The following RBM6 variants were observed in gnomAD, a reference collection of about 807,000 sequenced individuals.
The protein encoded by RBM6 is RNA binding motif protein 6.
Under a neutral mutation model 140.4 loss-of-function variants are expected in RBM6, and 23 were observed. The observed-to-expected ratio is 0.16, with a 90% CI of 0.12 to 0.23. The LOEUF is 0.23. Among genes scored for constraint, RBM6 ranks in the 10% least tolerant of loss-of-function variants. RBM6 has a pLI of 1.00. For synonymous variants in RBM6, 439 were observed against 475.6 expected (o/e 0.92, Z 1.00); for missense variants, 1,139 against 1,386.7 (o/e 0.82, Z 2.84).
intron 13 of RBM6, 44 bp downstream of exon 13, chr3:50,061,265 C>T (rs1484322790): frequency 6.2e-7 from 1 of 1,612,448 alleles, no homozygotes; most frequent in South Asian, 1.1e-5. Flanking sequence ...TTTTGCTTGA[C>T]TTGCTACTCA....
intron 4 of RBM6, among the ~76,000 whole-genome samples, chr3:49,972,538 G>T (rs1213785402): frequency 6.6e-6 from 1 of 152,144 alleles, no homozygotes; most frequent in Non-Finnish European, 1.5e-5. Context: ...TAACTGCCCT[G>T]TATCAAAGGA....
At chr3:50,055,041 C>A (rs2089645772) in intron 8 of RBM6, among the ~76,000 whole-genome samples, 1 of 152,184 alleles carries the variant, frequency 6.6e-6, no homozygotes, top group Non-Finnish European at 1.5e-5. Context: ...CCAGGATGGT[C>A]TCGATCTCCT....
intron 3 of RBM6, among the ~76,000 whole-genome samples, chr3:49,970,242 G>A (rs985558632): frequency 1.3e-5 from 2 of 151,966 alleles, no homozygotes; most frequent in Non-Finnish European, 2.9e-5. Context: ...TGCCTGGCCA[G>A]CAATTTTTGT....
intron 6 of RBM6, among the ~76,000 whole-genome samples, chr3:50,034,936 C>A (rs1028158045): frequency 1.3e-5 from 2 of 151,980 alleles, no homozygotes; most frequent in Non-Finnish European, 2.9e-5. Context: ...TGGCTTCTAA[C>A]ATAGGCTAGG....
At chr3:50,055,387 G>A (rs1217829897) in intron 8 of RBM6, among the ~76,000 whole-genome samples, 2 of 152,064 alleles carry the variant, frequency 1.3e-5, no homozygotes, top group East Asian at 1.9e-4. Context: ...CTGAGATCTC[G>A]CCACTGCACT....
chr3:49,963,476 G>T (rs2084375057), intron 2 of RBM6, among the ~76,000 whole-genome samples: 1 of 152,012 alleles, frequency 6.6e-6, no homozygotes, highest in African/African-American at 2.4e-5. Flanking sequence ...TACATATTTG[G>T]CTAGTAAGGA....
intron 15 of RBM6, among the ~76,000 whole-genome samples, chr3:50,062,426 C>T (rs1049799684): frequency 6.6e-6 from 1 of 151,952 alleles, no homozygotes; most frequent in African/African-American, 2.4e-5. Context: ...ATTGCTTGAA[C>T]CCTGGAGGCA....
intron 6 of RBM6, among the ~76,000 whole-genome samples, chr3:50,021,360 C>A (rs1278840439): frequency 6.6e-6 from 1 of 152,132 alleles, no homozygotes; most frequent in Non-Finnish European, 1.5e-5. Flanking sequence ...ACATTTAAGG[C>A]TGGGTGCAGT....
chr3:49,971,399 T>C (rs1419808283), intron 3 of RBM6, among the ~76,000 whole-genome samples: 5 of 150,888 alleles, frequency 3.3e-5, no homozygotes, highest in African/African-American at 1.2e-4. Flanking sequence ...GGGCTGAGAT[T>C]GTGCCACTGC....
chr3:49,966,075 G>A (rs2084504734), intron 2 of RBM6, among the ~76,000 whole-genome samples: 2 of 151,206 alleles, frequency 1.3e-5, no homozygotes, highest in South Asian at 2.1e-4. Flanking sequence ...GCAGTGAACC[G>A]AGATCATGCC....
chr3:50,034,978 TCCTCTCCTCTCCTCTTC>T (rs1370422990), intron 6 of RBM6, among the ~76,000 whole-genome samples: 1 of 146,832 alleles, frequency 6.8e-6, no homozygotes, highest in African/African-American at 2.5e-5. Flanking sequence ...CTTTCTCCTC[TCCTCTCCTCTCCTCTTC>T]CCTCTCCTCT....
intron 5 of RBM6, among the ~76,000 whole-genome samples, chr3:49,994,554 G>A (rs1371811934): frequency 6.6e-6 from 1 of 152,036 alleles, no homozygotes; most frequent in East Asian, 1.9e-4. Context: ...TAGGAAAACA[G>A]GACCTATAGA....
intron 1 of RBM6, among the ~76,000 whole-genome samples, chr3:49,955,671 C>T (rs1191305322): frequency 3.0e-4 from 45 of 151,688 alleles, no homozygotes; most frequent in African/African-American, 2.4e-5. Context: ...GGTGAAACCT[C>T]GTCTGTACTA....
At position 50,075,335 on chromosome 3, in the gene RBM6, A is replaced by C. The variant is rs1240441602; in HGVS notation, c.3246+5A>C. 6.2e-7 allele frequency: 1 copy of C among 1,607,714 alleles called. No individual in the cohort carries two copies. Among genetic ancestry groups the C allele is most frequent in the Non-Finnish European group, 8.5e-7 (1 of 1,176,486 alleles). On this transcript the variant is annotated splice_donor_5th_base_variant and intron_variant, in intron 20 of 20. Coordinates refer to ENST00000266022, the MANE Select transcript of RBM6 (RefSeq NM_005777.3). ...GGATTGGCTTCATCAGAGGAGGTAA[A>C]ATGGTTTCCATCTTTTGGGGGGTGA... is the stretch of plus-strand genomic sequence containing the variant.
At chr3:50,054,491 C>T in intron 8 of RBM6, 96 bp downstream of exon 8, 1 of 1,112,608 alleles carries the variant, frequency 9.0e-7, no homozygotes, top group Non-Finnish European at 1.3e-6. Flanking sequence ...TCCCTAAATC[C>T]AAGTTGATCT....
rs1356942176 is a variant in RBM6, at chr3:50,066,649, G to A, written c.2943+147G>A. ...ACAAGACCAGTCTGGGCAACATGGT[G>A]AAACCCCCTTTGTACTAAAATACAA... On this transcript the variant is annotated intron_variant, in intron 17 of 20. Coordinates refer to ENST00000266022, the MANE Select transcript of RBM6 (RefSeq NM_005777.3). The A allele has an allele frequency of 2.8e-6, 3 of 1,063,084 alleles. No individual in the cohort carries two copies. In the African/African-American group the frequency reaches 4.8e-5, roughly 17 times the overall value. The allele number at this position is 1,063,084 out of a possible 1,614,324, so 65.9% of individuals were successfully genotyped here.
Position 49,968,309 on chromosome 3 carries a change from A to C in RBM6, c.884A>C (p.Tyr295Ser), listed in dbSNP as rs548102375. ...MPPVDPNILD[Y>S]IQPSTQDREH... ...CCTGTGGATCCAAATATTTTGGATT[A>C]CATTCAGCCCTCTACACAAGATAGA... Residue 295 changes from tyrosine to serine, a missense_variant, in exon 3 of 21, where the codon TAC (tyrosine) becomes TCC (serine). Tyr to Ser is a moderately radical substitution (Grantham distance 144, BLOSUM62 -2). This residue lies in a region of RBM6 where 566 missense variants were observed against 612.7 expected (regional missense o/e 0.92). Coordinates refer to ENST00000266022, the MANE Select transcript of RBM6 (RefSeq NM_005777.3). The C allele has an allele frequency of 6.2e-7, 1 of 1,614,082 alleles. No individual in the cohort carries two copies. The highest frequency in any genetic ancestry group is 8.5e-7 in the Non-Finnish European group (1 of 1,180,050).
At chr3:49,993,248 C>G in intron 5 of RBM6, among the ~76,000 whole-genome samples, 1 of 151,980 alleles carries the variant, frequency 6.6e-6, no homozygotes, top group Non-Finnish European at 1.5e-5. Context: ...ATGGAGTGGC[C>G]CTGCGATTAA....
chr3:49,976,207 T>A (rs2085056355), intron 5 of RBM6, among the ~76,000 whole-genome samples: 1 of 152,208 alleles, frequency 6.6e-6, no homozygotes, highest in African/African-American at 2.4e-5. Flanking sequence ...TAAAGACATC[T>A]TCAAGTAAGA....
Sources: gnomAD v4.1 joint callset for allele counts (sites outside exome capture counted in the v4.1 genomes callset) on GRCh38, gnomAD v4.1.1 for gene constraint, gnomAD v4.1.1 regional missense constraint, MANE v1.5 for transcripts, NCBI Gene and HGNC (gene_info 2026-07-23, HGNC 2026-07-21) for gene names.